ANKRD28: variants seen among roughly 807,000 people sequenced by gnomAD.
ANKRD28 encodes serine/threonine-protein phosphatase 6 regulatory ankyrin repeat subunit A.
ANKRD28 carries 44 observed loss-of-function variants against 126.5 expected under a neutral mutation model. The ratio of observed to expected loss-of-function variants is 0.35; its 90% CI spans 0.27 to 0.45. The LOEUF (loss-of-function observed/expected upper bound fraction) is 0.45. ANKRD28 is among the 20% of genes least tolerant of loss of function. The pLI is 1.00. For missense variants in ANKRD28, 1,110 were observed against 1,316.6 expected, an observed-to-expected ratio of 0.84 and a Z score of 2.43; for synonymous variants, 442 against 468.5, an observed-to-expected ratio of 0.94 and a Z score of 0.73.
At chr3:15,700,221 C>G (rs111291195) in intron 14 of ANKRD28, among the ~76,000 whole-genome samples, 2 of 152,180 alleles carry the variant, frequency 1.3e-5, no homozygotes, top group Admixed American at 1.3e-4. Flanking sequence ...ACACACAACT[C>G]TCACTCTTAA....
rs1302942024 is a variant in ANKRD28 at position 15,686,124 on chromosome 3, GCAA to G, written c.2052-8_2052-6del. 1.9e-6 allele frequency: 3 copies of G among 1,611,120 alleles called. No individual in the cohort carries two copies. The highest frequency in any genetic ancestry group is 1.7e-6 in the Non-Finnish European group (2 of 1,178,440). The stretch of plus-strand genomic sequence containing the variant: ...ACAGATAGCATCAGAGGCGTCCTGA[GCAA>G]CAACAGGAATAGGTTCAGTGCTGTC... On this transcript the variant is annotated splice_region_variant and splice_polypyrimidine_tract_variant and intron_variant, in intron 19 of 27. Transcript: ENST00000683139.
At position 15,751,732 on chromosome 3, in the gene ANKRD28, C is replaced by G; in HGVS notation, c.351+18G>C. 1 of 1,518,636 alleles carries G rather than the reference C, an allele frequency of 6.6e-7. No individual in the cohort carries two copies. The highest frequency in any genetic ancestry group is 9.0e-7 in the Non-Finnish European group (1 of 1,115,962). 94.1% of individuals were successfully genotyped at this position (1,518,636 alleles called of 1,614,324 possible). On this transcript the variant is annotated intron_variant, in intron 4 of 27. Transcript: ENST00000683139. ...AATGTTTTCATATAAAACATATTTA[C>G]TAAGAGAAATTTCATACCTCACTAC...
At chr3:15,855,426 A>G (rs2061744493) in intron 1 of ANKRD28, among the ~76,000 whole-genome samples, 1 of 152,212 alleles carries the variant, frequency 6.6e-6, no homozygotes, top group African/African-American at 2.4e-5. Context: ...GATGGCTCCT[A>G]CACAAAAATG....
At chr3:15,795,734 G>T (rs1005741860) in intron 1 of ANKRD28, among the ~76,000 whole-genome samples, 1 of 151,984 alleles carries the variant, frequency 6.6e-6, no homozygotes, top group Non-Finnish European at 1.5e-5. Flanking sequence ...TATCTTACAT[G>T]GATTAGCATT....
rs78914764 is a variant in ANKRD28, at chr3:15,854,665, T to C, written c.27+4712A>G. ...TGTGATGTATCTCACTTACCCTACA[T>C]CTATGTGTTTTTTTTTTCCCCTCTT... On this transcript the variant is annotated intron_variant, in intron 1 of 27. Coordinates refer to the ANKRD28 transcript ENST00000399451. This position sits in a 1 kb window ranked among gnomAD's most constrained non-coding sequence, Gnocchi z 4.1. 3.1e-3 allele frequency among the ~76,000 whole-genome samples: 472 copies of C among 152,156 alleles called. 4 individuals carry two copies. The highest frequency in any genetic ancestry group is 9.9e-3 in the African/African-American group (410 of 41,544).
At chr3:15,776,964 CTAATGTT>C (rs2059296604) in intron 2 of ANKRD28, among the ~76,000 whole-genome samples, 3 of 152,030 alleles carry the variant, frequency 2.0e-5, no homozygotes, top group Non-Finnish European at 2.9e-5. Flanking sequence ...TTCTCCTGAA[CTAATGTT>C]CAAAATGAAA....
chr3:15,850,189 A>AT (rs201175054), intron 1 of ANKRD28, among the ~76,000 whole-genome samples: 2,067 of 54,738 alleles, frequency 0.038, 124 homozygotes, highest in African/African-American at 0.14. Context: ...TCTACATGCA[A>AT]TAAAAAAAAA....
chr3:15,730,321 G>A (rs2074490263), intron 6 of ANKRD28, among the ~76,000 whole-genome samples: 1 of 152,150 alleles, frequency 6.6e-6, no homozygotes, highest in Non-Finnish European at 1.5e-5. Flanking sequence ...AGCACAAGGT[G>A]GGAAGAAGAA....
At chr3:15,690,418 A>C (rs2068637201) in intron 17 of ANKRD28, among the ~76,000 whole-genome samples, 198 bp from the exon 18 acceptor site, 3 of 152,206 alleles carry the variant, frequency 2.0e-5, no homozygotes, top group Admixed American at 6.5e-5. Flanking sequence ...GTGTTAGGGA[A>C]CAGGCATTCT....
At chr3:15,800,896 T>C (rs1323119677), upstream of ANKRD28, among the ~76,000 whole-genome samples, 2 of 152,142 alleles carry the variant, frequency 1.3e-5, no homozygotes, top group African/African-American at 4.8e-5. Flanking sequence ...CTGTTTTGTG[T>C]CTTCTTCTAT....
At chr3:15,741,184 G>T (rs2075438820) in intron 4 of ANKRD28, among the ~76,000 whole-genome samples, 1 of 151,590 alleles carries the variant, frequency 6.6e-6, no homozygotes, top group African/African-American at 2.4e-5. Context: ...GGGCGACAGA[G>T]CGAGACTCCA....
rs564284974 is a variant in ANKRD28, at chr3:15,843,529, C to T, written c.27+15848G>A. Among the ~76,000 whole-genome samples, 1 of 151,924 alleles carries T rather than the reference C, an allele frequency of 6.6e-6. No individual in the cohort carries two copies. Among genetic ancestry groups the T allele is most frequent in the African/African-American group, 2.4e-5 (1 of 41,394 alleles). On this transcript the variant is annotated intron_variant, in intron 1 of 27. Coordinates refer to the ANKRD28 transcript ENST00000399451. This position sits in a 1 kb window ranked among gnomAD's most constrained non-coding sequence, Gnocchi z 5.2. ...GAAAAATAAGAGATAAACAATACAC[C>T]TCAATTTCAAATAAGGATAGAATTA... is the stretch of plus-strand genomic sequence containing the variant.
rs1422264466 is a variant in ANKRD28, at chr3:15,845,035, G to A, written c.27+14342C>T. Reference sequence around the variant, plus strand: ...TGGAGCAGGAGCAAAATGGGGACACGGGGGTGCTAGGCACTTTTAAACAAC... The same window carrying A: ...TGGAGCAGGAGCAAAATGGGGACACAGGGGTGCTAGGCACTTTTAAACAAC... On this transcript the variant is annotated intron_variant, in intron 1 of 27. Transcript: ENST00000399451. This position sits in a 1 kb window ranked among gnomAD's most constrained non-coding sequence, Gnocchi z 4.9. 2.0e-5 allele frequency among the ~76,000 whole-genome samples: 3 copies of A among 152,056 alleles called. No individual in the cohort carries two copies. Among genetic ancestry groups the A allele is most frequent in the Non-Finnish European group, 2.9e-5 (2 of 68,008 alleles).
intron 10 of ANKRD28, 44 bp downstream of exon 10, chr3:15,713,483 T>C (rs1376404503): frequency 1.4e-6 from 2 of 1,476,022 alleles, no homozygotes; most frequent in Admixed American, 1.9e-5. Context: ...CACTTCCCTT[T>C]GTGCTTGCCT....
At chr3:15,685,544 C>G in intron 20 of ANKRD28, 99 bp from the exon 21 acceptor site, 1 of 1,015,080 alleles carries the variant, frequency 9.9e-7, no homozygotes, top group Non-Finnish European at 1.5e-6. Flanking sequence ...CTCTCCATAT[C>G]CTTCCATCAA....
intron 10 of ANKRD28, 145 bp downstream of exon 10, chr3:15,713,382 C>G (rs766932286): frequency 8.2e-5 from 49 of 599,578 alleles, no homozygotes; most frequent in Middle Eastern, 4.2e-4. Context: ...TAACCTACCA[C>G]TTTGTCAATA....
At chr3:15,738,258 GA>G in intron 4 of ANKRD28, among the ~76,000 whole-genome samples, 1 of 152,248 alleles carries the variant, frequency 6.6e-6, no homozygotes, top group East Asian at 1.9e-4. Context: ...ACAAAAGAGA[GA>G]AATTTTAAAG....
intron 4 of ANKRD28, among the ~76,000 whole-genome samples, chr3:15,738,350 T>A (rs115415633): frequency 0.011 from 1,599 of 150,374 alleles, 10 homozygotes; most frequent in Non-Finnish European, 0.015. Flanking sequence ...GGGGAGGGAG[T>A]GTACGAATAG....
intron 18 of ANKRD28, among the ~76,000 whole-genome samples, chr3:15,688,610 C>T (rs1011680975): frequency 2.0e-5 from 3 of 152,100 alleles, no homozygotes; most frequent in African/African-American, 7.2e-5. Context: ...CTGGGAGTAA[C>T]AGTGGGTGTT....
Sources: gnomAD v4.1 joint callset for allele counts (sites outside exome capture counted in the v4.1 genomes callset) on GRCh38, gnomAD v4.1.1 for gene constraint, Gnocchi (gnomAD v3.1) non-coding constraint, MANE v1.5 for transcripts, NCBI Gene and HGNC (gene_info 2026-07-23, HGNC 2026-07-21) for gene names.